The following FBXL20 variants were observed in gnomAD, a reference collection of about 807,000 sequenced individuals.
FBXL20 encodes F-box and leucine rich repeat protein 20.
Under a neutral mutation model 64.0 loss-of-function variants are expected in FBXL20, and 11 were observed. The ratio of observed to expected loss-of-function variants is 0.17; its 90% CI spans 0.11 to 0.28. The LOEUF (loss-of-function observed/expected upper bound fraction) is 0.28, where lower values mean the gene tolerates loss of function less well. Ranked by LOEUF, FBXL20 falls within the 10% of genes least tolerant of loss-of-function variation. The pLI, the probability that FBXL20 is intolerant of heterozygous loss-of-function variation, is 1.00. For missense variants in FBXL20, 303 were observed against 526.2 expected (o/e 0.58, Z 4.15); for synonymous variants, 184 against 189.0 (o/e 0.97, Z 0.22).
At chr17:39,321,464 C>CA (rs71147318) in intron 2 of FBXL20, among the ~76,000 whole-genome samples, 5,621 of 88,088 alleles carry the variant, frequency 0.064, 257 homozygotes, top group African/African-American at 0.15. Context: ...GAATCTGTCT[C>CA]AAAAAAAAAA....
Position 39,261,421 on chromosome 17 carries a change from A to G in FBXL20, c.*39T>C, listed in dbSNP as rs1272081916. ...ACTCCACGGTAGCTCTAGAAGTGTC[A>G]TTAAATACTCAGTTCGCCAAGGTTG... On this transcript the variant is annotated 3_prime_UTR_variant, in exon 15 of 15. Coordinates refer to ENST00000264658, the MANE Select transcript of FBXL20 (RefSeq NM_032875.3). 6.6e-7 allele frequency: 1 copy of G among 1,508,718 alleles called. No homozygotes were observed. The highest frequency in any genetic ancestry group is 1.1e-5 in the South Asian group (1 of 88,868). The allele number at this position is 1,508,718 out of a possible 1,614,324, so 93.5% of individuals were successfully genotyped here. A position where few individuals can be genotyped will look rare whatever the true frequency, so the allele number is the denominator to read the frequency against.
intron 1 of FBXL20, among the ~76,000 whole-genome samples, chr17:39,352,308 C>T (rs1230306311): frequency 4.0e-5 from 6 of 151,892 alleles, no homozygotes; most frequent in Non-Finnish European, 7.4e-5. Flanking sequence ...AGGGGAGTAT[C>T]GCTTGATCCC....
intron 1 of FBXL20, among the ~76,000 whole-genome samples, chr17:39,385,984 C>T (rs1342255616): frequency 3.5e-5 from 5 of 143,330 alleles, no homozygotes; most frequent in African/African-American, 1.1e-4. Flanking sequence ...CAGCCAAGAT[C>T]GCGCCACTGT....
chr17:39,274,875 G>C, intron 10 of FBXL20, 95 bp downstream of exon 10: 3 of 1,534,382 alleles, frequency 2.0e-6, no homozygotes, highest in Non-Finnish European at 2.7e-6. Flanking sequence ...AGCGTCTGCA[G>C]TGCCTACCTT....
intron 1 of FBXL20, among the ~76,000 whole-genome samples, chr17:39,387,935 G>T (rs1003757381): frequency 6.6e-6 from 1 of 152,006 alleles, no homozygotes; most frequent in African/African-American, 2.4e-5. Context: ...TCAGGGCACA[G>T]TCCCATCTGT....
intron 6 of FBXL20, 109 bp downstream of exon 6, chr17:39,297,018 A>G: frequency 1.6e-6 from 1 of 616,430 alleles, no homozygotes; most frequent in Non-Finnish European, 2.8e-6. Flanking sequence ...TCTTTCCTCT[A>G]CAAAACCAAG....
intron 6 of FBXL20, among the ~76,000 whole-genome samples, chr17:39,296,789 A>T (rs73983275): frequency 0.026 from 3,906 of 152,150 alleles, 158 homozygotes; most frequent in African/African-American, 0.088. Context: ...TTAAGATTTT[A>T]ATCTTTTCAC....
intron 1 of FBXL20, among the ~76,000 whole-genome samples, chr17:39,364,078 C>CG (rs1272226870): frequency 6.6e-6 from 1 of 151,536 alleles, no homozygotes; most frequent in Non-Finnish European, 1.5e-5. Flanking sequence ...TTAGTACAGA[C>CG]GGGGTTTCAC....
chr17:39,359,141 A>C (rs889604258), intron 1 of FBXL20, among the ~76,000 whole-genome samples: 2 of 152,188 alleles, frequency 1.3e-5, no homozygotes, highest in African/African-American at 4.8e-5. Context: ...CAGGAGTTTG[A>C]AACCAGCCTG....
chr17:39,298,965 GATTA>G, intron 5 of FBXL20, 21 bp downstream of exon 5: 1 of 1,571,950 alleles, frequency 6.4e-7, no homozygotes, highest in Non-Finnish European at 8.7e-7. Context: ...CCATCAAGAA[GATTA>G]ATCAATAGTT....
At chr17:39,303,296 C>A (rs911213110) in intron 3 of FBXL20, among the ~76,000 whole-genome samples, 4 of 151,422 alleles carry the variant, frequency 2.6e-5, no homozygotes, top group Non-Finnish European at 4.4e-5. Context: ...GATTTCATCA[C>A]AATTTTGAGT....
rs1260092850 is a variant in FBXL20 at position 39,270,920 on chromosome 17, A to AAT, written c.828-65_828-64insAT. ...TTGGTCCCTGAAAACTGAGTTTATT[A>AAT]AAACAGTAAGAATTTACAAAAACAA... On this transcript the variant is annotated intron_variant, in intron 10 of 14. Coordinates refer to ENST00000264658, the MANE Select transcript of FBXL20 (RefSeq NM_032875.3). The AAT allele has an allele frequency of 2.3e-6, 3 of 1,323,998 alleles. No homozygotes were observed. In the African/African-American group the frequency reaches 4.5e-5, roughly 20 times the overall value. 82.0% of individuals were successfully genotyped at this position (1,323,998 alleles called of 1,614,324 possible).
At chr17:39,329,578 GTATC>G (rs745865746) in intron 2 of FBXL20, among the ~76,000 whole-genome samples, 20 of 151,982 alleles carry the variant, frequency 1.3e-4, no homozygotes, top group Non-Finnish European at 2.4e-4. Context: ...GTGGTGTTTT[GTATC>G]TATCTATCTA....
chr17:39,386,791 T>C (rs1264962952), intron 1 of FBXL20, among the ~76,000 whole-genome samples: 1 of 152,176 alleles, frequency 6.6e-6, no homozygotes, highest in Admixed American at 6.6e-5. Flanking sequence ...AAGAACACTA[T>C]TTCCAATAAA....
At chr17:39,332,847 T>G (rs10221223) in intron 2 of FBXL20, among the ~76,000 whole-genome samples, 48,212 of 151,990 alleles carry the variant, frequency 0.32, 8,536 homozygotes, top group African/African-American at 0.48. Context: ...AGCTGTATCC[T>G]TTCTTATAAT....
Position 39,259,043 on chromosome 17 carries a change from T to C in FBXL20, c.*2417A>G, listed in dbSNP as rs1003836350. On this transcript the variant is annotated 3_prime_UTR_variant, in exon 15 of 15. Transcript: ENST00000264658. ...AACAGGATTTAAAATAAATTTAATA[T>C]GATAAATATTAATGGATAGTATAGA... is the stretch of plus-strand genomic sequence containing the variant. The C allele has an allele frequency of 3.3e-5, 5 of 152,200 alleles. No homozygotes were observed. The highest frequency in any genetic ancestry group is 9.7e-5 in the African/African-American group (4 of 41,448). 9.4% of individuals were successfully genotyped at this position (152,200 alleles called of 1,614,324 possible).
At chr17:39,337,444 C>A (rs1411489067) in intron 2 of FBXL20, among the ~76,000 whole-genome samples, 1 of 151,894 alleles carries the variant, frequency 6.6e-6, no homozygotes, top group Non-Finnish European at 1.5e-5. Flanking sequence ...TGCCTGGCAG[C>A]CCATCGTCTG....
At chr17:39,383,065 A>C (rs527755514) in intron 1 of FBXL20, among the ~76,000 whole-genome samples, 1 of 151,008 alleles carries the variant, frequency 6.6e-6, no homozygotes, top group East Asian at 2.0e-4. Context: ...CAGAAGGCTC[A>C]GGTCGGAGAA....
intron 1 of FBXL20, among the ~76,000 whole-genome samples, chr17:39,371,509 G>T (rs1005469327): frequency 6.6e-6 from 1 of 152,046 alleles, no homozygotes; most frequent in Non-Finnish European, 1.5e-5. Context: ...TAATTGTATA[G>T]ACTTCTCACT....
Sources: gnomAD v4.1 joint callset for allele counts (sites outside exome capture counted in the v4.1 genomes callset) on GRCh38, gnomAD v4.1.1 for gene constraint, MANE v1.5 for transcripts, NCBI Gene and HGNC (gene_info 2026-07-23, HGNC 2026-07-21) for gene names.